The following VEGFC variants were observed in gnomAD, a reference collection of about 807,000 sequenced individuals.
The protein encoded by VEGFC is FLT4 ligand DHM.
A neutral mutation model predicts 46.1 loss-of-function variants in VEGFC; 12 were observed. The ratio of observed to expected loss-of-function variants is 0.26; its 90% CI spans 0.17 to 0.42. VEGFC has a LOEUF of 0.42. VEGFC is among the 10% of genes least tolerant of loss of function. The probability of loss-of-function intolerance (pLI) is 1.00; values close to 1 mark genes in which losing one functional copy is unlikely to be tolerated. For synonymous variants in VEGFC, 232 were observed against 195.5 expected, an observed-to-expected ratio of 1.19 and a Z score of -1.56; for missense variants, 488 against 529.4, an observed-to-expected ratio of 0.92 and a Z score of 0.77.
intron 1 of VEGFC, among the ~76,000 whole-genome samples, chr4:176,742,403 T>C (rs1476784257): frequency 6.6e-6 from 1 of 152,012 alleles, no homozygotes; most frequent in African/African-American, 2.4e-5. Context: ...TGAGTGCAGA[T>C]GTCTGTTTGA....
chr4:176,775,580 A>C (rs1444796328), intron 1 of VEGFC, among the ~76,000 whole-genome samples: 1 of 152,204 alleles, frequency 6.6e-6, no homozygotes, highest in Admixed American at 6.5e-5. Flanking sequence ...ATAAGCTTAT[A>C]GGCCATGTAT....
chr4:176,731,601 G>A (rs988701961), intron 1 of VEGFC, among the ~76,000 whole-genome samples: 1 of 151,724 alleles, frequency 6.6e-6, no homozygotes, highest in Non-Finnish European at 1.5e-5. Flanking sequence ...GAGCAATAGG[G>A]ACCTGTGTGT....
rs1194053265 is a variant in VEGFC, at chr4:176,736,850, C to A, written c.148-7104G>T. Among the ~76,000 whole-genome samples, 4 of 151,360 alleles carry A rather than the reference C, an allele frequency of 2.6e-5. No homozygotes were observed. In the East Asian group the frequency reaches 5.8e-4, roughly 22 times the overall value. ...TCACCAAATTAAAAACAATTCTTGG[C>A]TAAACACATAGCAATAGAAAAAACT... On this transcript the variant is annotated intron_variant, in intron 1 of 6. Coordinates refer to ENST00000618562, the MANE Select transcript of VEGFC (RefSeq NM_005429.5).
In VEGFC at chr4:176,687,915, C is replaced by A; in HGVS notation, c.717G>T (p.Ala239=). The A allele has an allele frequency of 6.2e-7, 1 of 1,610,922 alleles. No individual in the cohort carries two copies. Among genetic ancestry groups the A allele is most frequent in the Non-Finnish European group, 8.5e-7 (1 of 1,178,056 alleles). Residue 239 remains alanine (A), a synonymous_variant, in exon 5 of 7, where the codon GCG becomes GCT. Transcript: ENST00000618562. ...TGTAATTGGTGGGGCAGGTCTTGTTCGCTGCCTGACACCTTTGGAAGAAAC... is the reference window on the plus strand; with the variant it reads ...TGTAATTGGTGGGGCAGGTCTTGTTAGCTGCCTGACACCTTTGGAAGAAAC... ...LPATLPQCQA[A]NKTCPTNYMW...
intron 4 of VEGFC, among the ~76,000 whole-genome samples, chr4:176,691,181 G>A (rs966127826): frequency 8.5e-5 from 13 of 152,238 alleles, no homozygotes; most frequent in Middle Eastern, 3.4e-3. Context: ...AGGAAATGTG[G>A]TCATGATGGA....
intron 4 of VEGFC, among the ~76,000 whole-genome samples, chr4:176,709,557 G>T (rs144951148): frequency 2.8e-4 from 43 of 152,230 alleles, no homozygotes; most frequent in African/African-American, 9.9e-4. Flanking sequence ...AAATGGAGAG[G>T]GCTTTGGAAA....
intron 1 of VEGFC, among the ~76,000 whole-genome samples, chr4:176,744,321 A>G (rs1735224670): frequency 6.6e-6 from 1 of 152,064 alleles, no homozygotes; most frequent in Admixed American, 6.6e-5. Flanking sequence ...GAACATCTAG[A>G]GAATTCAGGG....
rs60196836 is a variant in VEGFC, at chr4:176,692,533, G to T, written c.705-4606C>A. 3.7e-4 allele frequency among the ~76,000 whole-genome samples: 48 copies of T among 130,426 alleles called. 1 individual carries two copies. Among genetic ancestry groups the T allele is most frequent in the African/African-American group, 1.9e-3 (46 of 23,972 alleles). The allele number at this position is 130,426 out of a possible 152,430, so 85.6% of individuals were successfully genotyped here. On this transcript the variant is annotated intron_variant, in intron 4 of 6. Transcript: ENST00000618562. ...GCAGTCTGAGATCAAACTGCAAGGC[G>T]GCAATGAGGCTGGGGGAGGGACGCC...
intron 1 of VEGFC, among the ~76,000 whole-genome samples, chr4:176,790,177 A>G (rs1220086876): frequency 6.6e-6 from 1 of 152,182 alleles, no homozygotes; most frequent in African/African-American, 2.4e-5. Context: ...ATGCCCTGTC[A>G]AGGCTCTATT....
intron 1 of VEGFC, among the ~76,000 whole-genome samples, chr4:176,740,079 T>C (rs868254274): frequency 4.2e-5 from 5 of 118,180 alleles, no homozygotes; most frequent in East Asian, 4.8e-4. Context: ...CTATATATTA[T>C]ATATTCTATA....
chr4:176,755,886 A>G (rs929573657), intron 1 of VEGFC, among the ~76,000 whole-genome samples: 3 of 152,060 alleles, frequency 2.0e-5, no homozygotes, highest in African/African-American at 4.8e-5. Context: ...TATTTACTGT[A>G]ATGCATTGTC....
intron 1 of VEGFC, among the ~76,000 whole-genome samples, chr4:176,740,698 A>G (rs1735157364): frequency 6.6e-6 from 1 of 151,300 alleles, no homozygotes; most frequent in Non-Finnish European, 1.5e-5. Context: ...CGTCATTTAT[A>G]CTATTCAGAA....
chr4:176,686,463 A>G (rs1273894253), intron 6 of VEGFC, among the ~76,000 whole-genome samples: 1 of 152,206 alleles, frequency 6.6e-6, no homozygotes, highest in Non-Finnish European at 1.5e-5. Flanking sequence ...GGGGAAAAAA[A>G]GTAGAGTTGA....
At chr4:176,692,311 G>C (rs1041505895) in intron 4 of VEGFC, among the ~76,000 whole-genome samples, 3 of 134,022 alleles carry the variant, frequency 2.2e-5, no homozygotes, top group African/African-American at 1.1e-4. Context: ...GGAGAATGGC[G>C]TGAACCCGGC....
intron 1 of VEGFC, among the ~76,000 whole-genome samples, chr4:176,737,344 G>A (rs899636697): frequency 6.8e-6 from 1 of 146,016 alleles, no homozygotes; most frequent in African/African-American, 2.5e-5. Flanking sequence ...TATAAATACA[G>A]AATAAATATT....
intron 1 of VEGFC, among the ~76,000 whole-genome samples, chr4:176,740,013 CTATA>C (rs760595686): frequency 3.5e-3 from 259 of 74,532 alleles, no homozygotes; most frequent in Admixed American, 6.2e-3. Flanking sequence ...ATATATATAA[CTATA>C]TATTCGATAT....
In VEGFC at chr4:176,792,047, T is replaced by C. The variant is rs1736103306; in HGVS notation, c.147+118A>G. On this transcript the variant is annotated intron_variant, in intron 1 of 6. Transcript: ENST00000618562. This position sits in a 1 kb window ranked among gnomAD's most constrained non-coding sequence, Gnocchi z 6.3. ...GCAGCGTGCACTGAGCTCAGTAACT[T>C]TGGATCCCACGTACACAAGCTTAAA... The C allele has an allele frequency of 3.8e-6, 5 of 1,298,960 alleles. No homozygotes were observed. The highest frequency in any genetic ancestry group is 5.0e-5 in the South Asian group (2 of 39,826). The allele number at this position is 1,298,960 out of a possible 1,614,324, so 80.5% of individuals were successfully genotyped here.
At chr4:176,696,214 TG>T (rs1166025287) in intron 4 of VEGFC, among the ~76,000 whole-genome samples, 1 of 149,240 alleles carries the variant, frequency 6.7e-6, no homozygotes, top group Admixed American at 6.7e-5. Context: ...GCAGACAACA[TG>T]ATTGTATATC....
chr4:176,782,001 C>T (rs1029576505), intron 1 of VEGFC, among the ~76,000 whole-genome samples: 2 of 152,214 alleles, frequency 1.3e-5, no homozygotes, highest in African/African-American at 4.8e-5. Context: ...ACCGCAGTGC[C>T]AAGGTCTGAT....
Sources: gnomAD v4.1 joint callset for allele counts (sites outside exome capture counted in the v4.1 genomes callset) on GRCh38, gnomAD v4.1.1 for gene constraint, Gnocchi (gnomAD v3.1) non-coding constraint, MANE v1.5 for transcripts, NCBI Gene and HGNC (gene_info 2026-07-23, HGNC 2026-07-21) for gene names.